Variants in RSBN1L observed in about 807,000 individuals in gnomAD.
The protein encoded by RSBN1L is round spermatid basic protein 1 like, also known as lysine-specific demethylase RSBN1L.
A neutral mutation model predicts 67.7 loss-of-function variants in RSBN1L; 30 were observed. The observed-to-expected ratio is 0.44, with a 90% confidence interval of 0.33 to 0.60. The LOEUF (loss-of-function observed/expected upper bound fraction) is 0.60. Among genes scored for constraint, RSBN1L ranks in the 20% least tolerant of loss-of-function variants. RSBN1L has a pLI of 0.02. For missense variants in RSBN1L, 992 were observed against 1,031.7 expected (o/e 0.96, Z 0.53); for synonymous variants, 433 against 387.0 (o/e 1.12, Z -1.39).
chr7:77,717,920 G>A (rs1232977489), intron 1 of RSBN1L, among the ~76,000 whole-genome samples: 1 of 152,212 alleles, frequency 6.6e-6, no homozygotes, highest in African/African-American at 2.4e-5. Context: ...TTGGGAGGCT[G>A]AGGCAGGAGA....
chr7:77,747,806 A>T (rs1302229926), intron 2 of RSBN1L, among the ~76,000 whole-genome samples: 1 of 152,106 alleles, frequency 6.6e-6, no homozygotes, highest in Non-Finnish European at 1.5e-5. Context: ...ATACTGCTAT[A>T]AAGAAATACT....
rs534251494 is a variant in RSBN1L, at chr7:77,751,328, CAG to C, written c.1344+1265_1344+1266del. Among the ~76,000 whole-genome samples, 25 of 152,046 alleles carry C rather than the reference CAG, an allele frequency of 1.6e-4. No homozygotes were observed. In the East Asian group the frequency reaches 4.8e-3, roughly 29 times the overall value. On this transcript the variant is annotated intron_variant, in intron 3 of 7. Transcript: ENST00000334955. ...CTAATTTTTGTATTTTTGGTAGAGA[CAG>C]GGTTTCGCTATGTTGGCCAGGGTGG...
At chr7:77,720,994 G>A (rs1350663630) in intron 1 of RSBN1L, among the ~76,000 whole-genome samples, 2 of 151,358 alleles carry the variant, frequency 1.3e-5, no homozygotes, top group Admixed American at 6.6e-5. Flanking sequence ...TGCCTGCCTC[G>A]GCATGCCAAA....
intron 5 of RSBN1L, among the ~76,000 whole-genome samples, 198 bp from the exon 6 acceptor site, chr7:77,772,949 A>G (rs1791867169): frequency 6.6e-6 from 1 of 152,202 alleles, no homozygotes; most frequent in Non-Finnish European, 1.5e-5. Flanking sequence ...GTTTCCTTAC[A>G]ACTGTTCCTG....
At chr7:77,720,380 G>A (rs904225498) in intron 1 of RSBN1L, among the ~76,000 whole-genome samples, 6 of 151,994 alleles carry the variant, frequency 3.9e-5, no homozygotes, top group African/African-American at 1.5e-4. Flanking sequence ...GACCAACATG[G>A]AGAAACCCCG....
chr7:77,730,080 T>A (rs534939806), intron 1 of RSBN1L, among the ~76,000 whole-genome samples: 2 of 152,300 alleles, frequency 1.3e-5, no homozygotes, highest in African/African-American at 4.8e-5. Context: ...CATATATGAT[T>A]TCTTTTTTGT....
At chr7:77,699,509 A>G (rs1160990690) in intron 1 of RSBN1L, among the ~76,000 whole-genome samples, 1 of 152,200 alleles carries the variant, frequency 6.6e-6, no homozygotes, top group Non-Finnish European at 1.5e-5. Context: ...TATTTAGTAA[A>G]TGTTATTTGA....
intron 1 of RSBN1L, among the ~76,000 whole-genome samples, chr7:77,734,299 A>G (rs142050218): frequency 1.1e-3 from 163 of 152,254 alleles, no homozygotes; most frequent in African/African-American, 3.7e-3. Context: ...AATAAAATTT[A>G]ATAGTTACTA....
At chr7:77,730,986 G>A (rs745897270) in intron 1 of RSBN1L, among the ~76,000 whole-genome samples, 26 of 152,096 alleles carry the variant, frequency 1.7e-4, no homozygotes, top group African/African-American at 6.3e-4. Flanking sequence ...TTTTACATTC[G>A]CACCAGCAGC....
chr7:77,731,240 G>T (rs1315352940), intron 1 of RSBN1L, among the ~76,000 whole-genome samples: 1 of 151,798 alleles, frequency 6.6e-6, no homozygotes, highest in Non-Finnish European at 1.5e-5. Flanking sequence ...TTGAGGCAGG[G>T]TCTCACTCGT....
intron 4 of RSBN1L, 116 bp downstream of exon 4, chr7:77,765,748 T>C (rs1791758131): frequency 1.4e-6 from 1 of 738,940 alleles, no homozygotes; most frequent in Non-Finnish European, 2.1e-6. Context: ...TATAAATGAA[T>C]GGCTGTTTCA....
At chr7:77,768,029 T>G (rs910493802) in intron 4 of RSBN1L, among the ~76,000 whole-genome samples, 1 of 150,632 alleles carries the variant, frequency 6.6e-6, no homozygotes, top group Non-Finnish European at 1.5e-5. Flanking sequence ...TTTTGTATTT[T>G]GTAGAGACGG....
chr7:77,725,135 C>T lies in RSBN1L; in HGVS notation c.587-11275C>T, dbSNP rs932862343. Among the ~76,000 whole-genome samples the T allele has an allele frequency of 1.1e-4, 17 of 151,392 alleles. 1 individual carries two copies. In the South Asian group the frequency reaches 3.3e-3, roughly 30 times the overall value. Reference sequence around the variant, plus strand: ...CTGGGATTACAGGCATGAGCCACTGCGCCCGGCCACAAATCCCTTTCTCTT... The same window carrying T: ...CTGGGATTACAGGCATGAGCCACTGTGCCCGGCCACAAATCCCTTTCTCTT... On this transcript the variant is annotated intron_variant, in intron 1 of 7. Coordinates refer to ENST00000334955, the MANE Select transcript of RSBN1L (RefSeq NM_198467.3).
At chr7:77,710,172 A>G (rs1038229572) in intron 1 of RSBN1L, among the ~76,000 whole-genome samples, 40 of 152,198 alleles carry the variant, frequency 2.6e-4, no homozygotes, top group African/African-American at 9.4e-4. Context: ...TCCCTATTTC[A>G]GATCCATGTG....
At chr7:77,712,983 G>T (rs534058108) in intron 1 of RSBN1L, among the ~76,000 whole-genome samples, 1 of 152,148 alleles carries the variant, frequency 6.6e-6, no homozygotes, top group Non-Finnish European at 1.5e-5. Flanking sequence ...ATATGAGACT[G>T]TCCATTTTTT....
At chr7:77,714,164 A>C (rs1791013622) in intron 1 of RSBN1L, among the ~76,000 whole-genome samples, 1 of 152,190 alleles carries the variant, frequency 6.6e-6, no homozygotes, top group African/African-American at 2.4e-5. Context: ...TAGATTTGAT[A>C]TCTATAGGGC....
At chr7:77,774,528 A>C (rs963152680) in intron 6 of RSBN1L, among the ~76,000 whole-genome samples, 4 of 152,196 alleles carry the variant, frequency 2.6e-5, no homozygotes, top group African/African-American at 7.2e-5. Context: ...GGAGTTCAAC[A>C]CCAGCCTGAC....
At position 77,706,140 on chromosome 7, in the gene RSBN1L, G is replaced by T. The variant is rs528035154; in HGVS notation, c.586+9085G>T. Among the ~76,000 whole-genome samples, 134 of 151,434 alleles carry T rather than the reference G, an allele frequency of 8.8e-4. 1 individual carries two copies. Among genetic ancestry groups the T allele is most frequent in the African/African-American group, 3.1e-3 (128 of 41,280 alleles). ...CGCCCATGGTGGAGTGCAATGGTGC[G>T]ATCTTGATTCACTGCAACCTCCGCC... is the stretch of plus-strand genomic sequence containing the variant. On this transcript the variant is annotated intron_variant, in intron 1 of 7. Transcript: ENST00000334955.
chr7:77,713,358 C>CA (rs1554337380), intron 1 of RSBN1L, among the ~76,000 whole-genome samples: 1 of 145,132 alleles, frequency 6.9e-6, no homozygotes, highest in African/African-American at 2.5e-5. Context: ...CTCTCTCTTC[C>CA]TTTTTTTTTT....
Sources: gnomAD v4.1 joint callset for allele counts (sites outside exome capture counted in the v4.1 genomes callset) on GRCh38, gnomAD v4.1.1 for gene constraint, MANE v1.5 for transcripts, NCBI Gene and HGNC (gene_info 2026-07-23, HGNC 2026-07-21) for gene names.